Variants in TBC1D1 observed in about 807,000 individuals in gnomAD.
The protein encoded by TBC1D1 is TBC1 (tre-2/USP6, BUB2, cdc16) domain family, member 1.
A neutral mutation model predicts 125.6 loss-of-function variants in TBC1D1; 89 were observed. The observed-to-expected ratio is 0.71, with a 90% CI of 0.60 to 0.85. The LOEUF (loss-of-function observed/expected upper bound fraction) is 0.85, where lower values mean the gene tolerates loss of function less well. TBC1D1 is among the 40% of genes least tolerant of loss of function. The pLI, the probability that TBC1D1 is intolerant of heterozygous loss-of-function variation, is 0.00. For synonymous variants in TBC1D1, 565 were observed against 564.1 expected, an observed-to-expected ratio of 1.00 and a Z score of -0.02; for missense variants, 1,377 against 1,469.2, an observed-to-expected ratio of 0.94 and a Z score of 1.03.
intron 2 of TBC1D1, among the ~76,000 whole-genome samples, chr4:37,965,584 T>C (rs1231006359): frequency 1.3e-5 from 2 of 152,062 alleles, no homozygotes. Context: ...ACTTGTGTTG[T>C]CCCTGAGAAC....
chr4:38,054,198 G>A lies in TBC1D1; in HGVS notation c.1911-1G>A. On this transcript the variant is annotated splice_acceptor_variant, in intron 11 of 19. Transcript: ENST00000261439. LOFTEE classifies it high-confidence loss of function. ...ATAAATCAATCATCTTATAATTTTA[G>A]GGACTTTGAATCCAAAGCAAACCAT... 6.2e-7 allele frequency: 1 copy of A among 1,613,884 alleles called. No individual in the cohort carries two copies. The highest frequency in any genetic ancestry group is 1.1e-5 in the South Asian group (1 of 91,066).
At chr4:37,989,000 T>A (rs540525173) in intron 2 of TBC1D1, among the ~76,000 whole-genome samples, 1 of 152,296 alleles carries the variant, frequency 6.6e-6, no homozygotes, top group African/African-American at 2.4e-5. Context: ...TGAAAGAAAT[T>A]GAAGTATTTT....
At chr4:38,068,889 G>A (rs140321584) in intron 12 of TBC1D1, among the ~76,000 whole-genome samples, 25 of 152,260 alleles carry the variant, frequency 1.6e-4, no homozygotes, top group African/African-American at 3.1e-4. Context: ...CCCCAGCTCC[G>A]TCACTCAGAA....
chr4:38,103,239 T>C lies in TBC1D1; in HGVS notation c.2557+82T>C, dbSNP rs1461293427. Reference sequence around the variant, plus strand: ...CTGAAGAGACTGTCCAAGTTATGTATTGACCTGCCTTTAGGTTTAGCAATC... The same window carrying C: ...CTGAAGAGACTGTCCAAGTTATGTACTGACCTGCCTTTAGGTTTAGCAATC... On this transcript the variant is annotated intron_variant, in intron 15 of 19. Transcript: ENST00000261439. 7 of 1,423,428 alleles carry C rather than the reference T, an allele frequency of 4.9e-6. 1 individual carries two copies. The African/African-American group carries it at 7.2e-5, about 15-fold the overall frequency. The allele number at this position is 1,423,428 out of a possible 1,614,324, so 88.2% of individuals were successfully genotyped here.
At position 37,995,944 on chromosome 4, in the gene TBC1D1, C is replaced by A. The variant is rs77862055; in HGVS notation, c.418-18565C>A. 149 of 574,410 alleles carry A rather than the reference C, an allele frequency of 2.6e-4. No individual in the cohort carries two copies. The African/African-American group carries it at 2.6e-3, about 10-fold the overall frequency. The allele number at this position is 574,410 out of a possible 1,614,324, so 35.6% of individuals were successfully genotyped here. A position where few individuals can be genotyped will look rare whatever the true frequency, so the allele number is the denominator to read the frequency against. On this transcript the variant is annotated intron_variant, in intron 2 of 19. Coordinates refer to ENST00000261439, the MANE Select transcript of TBC1D1 (RefSeq NM_015173.4). The surrounding 1 kb of genome is among the most constrained non-coding windows in gnomAD (Gnocchi z 4.3). ...TCATTCCCAGGGAGAAATCCACACTCAAGGACTTCTTTCTTCTCTTGCCTC... is the reference window on the plus strand; with the variant it reads ...TCATTCCCAGGGAGAAATCCACACTAAAGGACTTCTTTCTTCTCTTGCCTC...
chr4:37,963,910 C>G (rs142050380), intron 2 of TBC1D1, among the ~76,000 whole-genome samples: 4 of 152,262 alleles, frequency 2.6e-5, no homozygotes, highest in African/African-American at 9.6e-5. Flanking sequence ...TTGGTGCCTG[C>G]TTAAAACACC....
chr4:38,082,238 C>G (rs1578603436), intron 12 of TBC1D1, among the ~76,000 whole-genome samples: 1 of 152,178 alleles, frequency 6.6e-6, no homozygotes, highest in East Asian at 1.9e-4. Flanking sequence ...AAGGTCGCCA[C>G]TGTGACGTGG....
intron 12 of TBC1D1, 130 bp downstream of exon 14, chr4:38,054,468 G>C: frequency 8.4e-7 from 1 of 1,186,656 alleles, no homozygotes; most frequent in South Asian, 1.5e-5. Context: ...CAATCACAAA[G>C]GTAACTAGGG....
At chr4:38,039,871 T>G (rs929627661) in intron 8 of TBC1D1, among the ~76,000 whole-genome samples, 5 of 151,982 alleles carry the variant, frequency 3.3e-5, no homozygotes, top group African/African-American at 7.2e-5. Flanking sequence ...CCTAGCACTT[T>G]GGGAGGCTGA....
At chr4:38,075,350 C>T (rs895481358) in intron 12 of TBC1D1, among the ~76,000 whole-genome samples, 2 of 152,086 alleles carry the variant, frequency 1.3e-5, no homozygotes, top group Admixed American at 1.3e-4. Context: ...ACCCGAGTTC[C>T]CCACTTGCCT....
intron 8 of TBC1D1, among the ~76,000 whole-genome samples, chr4:38,043,172 G>C (rs1232556393): frequency 6.6e-6 from 1 of 151,880 alleles, no homozygotes; most frequent in Non-Finnish European, 1.5e-5. Context: ...AAAGTGCTGA[G>C]ATTACAGGCA....
intron 3 of TBC1D1, among the ~76,000 whole-genome samples, chr4:38,015,480 A>G (rs1192827475): frequency 6.6e-6 from 1 of 150,640 alleles, no homozygotes; most frequent in East Asian, 1.9e-4. Flanking sequence ...TTTTTTTTAG[A>G]AAAAAAGTGT....
chr4:38,035,420 T>G (rs1212155234), intron 7 of TBC1D1, among the ~76,000 whole-genome samples, 168 bp from the exon 8 acceptor site: 1 of 152,250 alleles, frequency 6.6e-6, no homozygotes, highest in East Asian at 1.9e-4. Flanking sequence ...GGCTCCACTG[T>G]TCCTTTTTAA....
At chr4:38,072,565 G>A (rs10001462) in intron 12 of TBC1D1, among the ~76,000 whole-genome samples, 6,772 of 152,208 alleles carry the variant, frequency 0.044, 492 homozygotes, top group African/African-American at 0.15. Flanking sequence ...CTGATTGGCT[G>A]GAGAGTCAGT....
intron 15 of TBC1D1, among the ~76,000 whole-genome samples, chr4:38,105,730 A>G (rs1761185811): frequency 6.6e-6 from 1 of 152,120 alleles, no homozygotes; most frequent in South Asian, 2.1e-4. Flanking sequence ...TAGGGTAATG[A>G]CCTGCAGCTG....
rs1412568233 is a variant in TBC1D1, at chr4:38,137,834, A to G, written c.*499A>G. ...CTTGTTATGGAAACCTAAGATGATC[A>G]TTGGGAAGATCAGTGATCTTGGGTC... On this transcript the variant is annotated 3_prime_UTR_variant, in exon 20 of 20. Transcript: ENST00000261439. The G allele has an allele frequency of 2.0e-5, 3 of 153,052 alleles. No individual in the cohort carries two copies. The highest frequency in any genetic ancestry group is 4.8e-5 in the African/African-American group (2 of 41,448). 9.5% of individuals were successfully genotyped at this position (153,052 alleles called of 1,614,324 possible). A position where few individuals can be genotyped will look rare whatever the true frequency, so the allele number is the denominator to read the frequency against.
chr4:38,016,272 C>G (rs1222915793), intron 3 of TBC1D1, among the ~76,000 whole-genome samples: 1 of 152,194 alleles, frequency 6.6e-6, no homozygotes, highest in Non-Finnish European at 1.5e-5. Context: ...TCACCTAACA[C>G]AAGGTTTCAT....
chr4:38,053,214 G>T, intron 11 of TBC1D1: 2 of 1,514,788 alleles, frequency 1.3e-6, no homozygotes, highest in South Asian at 1.3e-5. Flanking sequence ...CTGATTTTAT[G>T]AACACAAAAA....
chr4:37,895,911 A>T (rs1421065675), intron 1 of TBC1D1, among the ~76,000 whole-genome samples: 1 of 152,134 alleles, frequency 6.6e-6, no homozygotes, highest in African/African-American at 2.4e-5. Flanking sequence ...TGAGGAACAC[A>T]CTGCTCCCGT....
Sources: gnomAD v4.1 joint callset for allele counts (sites outside exome capture counted in the v4.1 genomes callset) on GRCh38, gnomAD v4.1.1 for gene constraint, Gnocchi (gnomAD v3.1) non-coding constraint, MANE v1.5 for transcripts, NCBI Gene and HGNC (gene_info 2026-07-23, HGNC 2026-07-21) for gene names.